Variants in SYNPR observed in about 807,000 individuals in gnomAD.
The protein encoded by SYNPR is synaptoporin.
Under a neutral mutation model 32.9 loss-of-function variants are expected in SYNPR, and 23 were observed. The ratio of observed to expected loss-of-function variants is 0.70; its 90% confidence interval spans 0.50 to 0.99. The LOEUF (loss-of-function observed/expected upper bound fraction) is 0.99, where lower values mean the gene tolerates loss of function less well. SYNPR is among the 50% of genes least tolerant of loss of function. SYNPR has a pLI of 0.00. For missense variants in SYNPR, 318 were observed against 349.3 expected, an observed-to-expected ratio of 0.91 and a Z score of 0.71; for synonymous variants, 146 against 135.9, an observed-to-expected ratio of 1.07 and a Z score of -0.52.
intron 2 of SYNPR, among the ~76,000 whole-genome samples, chr3:63,408,198 A>AAAGAAAG (rs1560220859): frequency 9.5e-4 from 36 of 37,786 alleles, no homozygotes; most frequent in East Asian, 2.3e-3. Flanking sequence ...AAGAAAGAGG[A>AAAGAAAG]AGGAAGGAAG....
At chr3:63,246,091 C>T (rs559799432) in intron 1 of SYNPR, among the ~76,000 whole-genome samples, 53 of 152,026 alleles carry the variant, frequency 3.5e-4, no homozygotes, top group African/African-American at 1.1e-3. Flanking sequence ...CAGAGCTATG[C>T]AAGAAAGAAG....
At chr3:63,225,421 T>C (rs140879888), upstream of SYNPR, among the ~76,000 whole-genome samples, 245 of 152,262 alleles carry the variant, frequency 1.6e-3, no homozygotes, top group African/African-American at 5.9e-3. Context: ...GGGAATCCAA[T>C]TACAGAATCT....
At position 63,523,564 on chromosome 3, in the gene SYNPR, A is replaced by G. The variant is rs545402447; in HGVS notation, c.210-32979A>G. Among the ~76,000 whole-genome samples, 13 of 152,230 alleles carry G rather than the reference A, an allele frequency of 8.5e-5. No individual in the cohort carries two copies. The South Asian group carries it at 2.7e-3, about 32-fold the overall frequency. On this transcript the variant is annotated intron_variant, in intron 3 of 5. Transcript: ENST00000478300. Reference sequence around the variant, plus strand: ...AGAACCCTGACAGATGCACGCTGACAATCCCACTAGGGCAGATCTCCCTGA... The same window carrying G: ...AGAACCCTGACAGATGCACGCTGACGATCCCACTAGGGCAGATCTCCCTGA...
intron 2 of SYNPR, among the ~76,000 whole-genome samples, chr3:63,298,315 A>T (rs2086811030): frequency 6.6e-6 from 1 of 152,140 alleles, no homozygotes; most frequent in African/African-American, 2.4e-5. Flanking sequence ...TCTCCTTCAA[A>T]TGAAATTTTC....
chr3:63,585,622 A>G (rs1461353837), intron 4 of SYNPR, among the ~76,000 whole-genome samples: 1 of 152,110 alleles, frequency 6.6e-6, no homozygotes, highest in Non-Finnish European at 1.5e-5. Flanking sequence ...CTTGCATACC[A>G]GAGACACAGA....
Position 63,254,744 on chromosome 3 carries a change from T to C in SYNPR, n.154+2158T>C, listed in dbSNP as rs141858449. ...CAAAATTTGTACGTTGGAGTCCTAA[T>C]CCCTAGTACCTTGGAATGTATTTGG... On this transcript the variant is annotated intron_variant and non_coding_transcript_variant, in intron 2 of 4. Transcript: ENST00000478456. Among the ~76,000 whole-genome samples the C allele has an allele frequency of 3.0e-3, 452 of 152,308 alleles. 5 individuals carry two copies. Among genetic ancestry groups the C allele is most frequent in the African/African-American group, 0.011 (437 of 41,570 alleles).
At chr3:63,323,915 G>A (rs866381345) in intron 2 of SYNPR, among the ~76,000 whole-genome samples, 2 of 152,214 alleles carry the variant, frequency 1.3e-5, no homozygotes, top group Middle Eastern at 6.8e-3. Context: ...GAGAAGGACA[G>A]TGAAGCCCAG....
intron 4 of SYNPR, among the ~76,000 whole-genome samples, chr3:63,580,721 T>C (rs1407100126): frequency 6.6e-6 from 1 of 152,174 alleles, no homozygotes; most frequent in African/African-American, 2.4e-5. Flanking sequence ...CTTCTGTCAC[T>C]CGTGATCTGC....
At chr3:63,560,645 G>A (rs191117953) in intron 4 of SYNPR, among the ~76,000 whole-genome samples, 21 of 152,134 alleles carry the variant, frequency 1.4e-4, no homozygotes, top group African/African-American at 2.7e-4. Flanking sequence ...TCACAGTTCC[G>A]TATGGCTGGG....
chr3:63,456,339 G>A (rs577242964), intron 2 of SYNPR, among the ~76,000 whole-genome samples: 2 of 152,022 alleles, frequency 1.3e-5, no homozygotes, highest in African/African-American at 2.4e-5. Flanking sequence ...TTCACACTCC[G>A]AGCAAGGAGC....
intron 3 of SYNPR, among the ~76,000 whole-genome samples, chr3:63,540,558 TAAGG>T (rs1702278961): frequency 6.6e-6 from 1 of 151,882 alleles, no homozygotes; most frequent in Admixed American, 6.6e-5. Context: ...CTCTGCATGT[TAAGG>T]AAGGAAAAAG....
chr3:63,503,781 C>T (rs1701530337), intron 3 of SYNPR, among the ~76,000 whole-genome samples: 1 of 151,506 alleles, frequency 6.6e-6, no homozygotes, highest in Admixed American at 6.6e-5. Flanking sequence ...AACAAAATAC[C>T]AAATACACAA....
chr3:63,564,938 CTG>C (rs1702756520), intron 4 of SYNPR, among the ~76,000 whole-genome samples: 1 of 152,224 alleles, frequency 6.6e-6, no homozygotes, highest in Non-Finnish European at 1.5e-5. Context: ...TTGCTGGAGT[CTG>C]TGCCTTTGGT....
intron 2 of SYNPR, among the ~76,000 whole-genome samples, chr3:63,298,144 T>G (rs2086809874): frequency 6.6e-6 from 1 of 152,196 alleles, no homozygotes; most frequent in Admixed American, 6.5e-5. Flanking sequence ...AGTTTGTTCT[T>G]TGTTTTAAAG....
chr3:63,562,186 G>A (rs1041785620), intron 4 of SYNPR, among the ~76,000 whole-genome samples: 1 of 152,118 alleles, frequency 6.6e-6, no homozygotes, highest in African/African-American at 2.4e-5. Context: ...TCCTGCCTAG[G>A]TTACTGTGAC....
At chr3:63,531,934 C>T (rs964654980) in intron 3 of SYNPR, among the ~76,000 whole-genome samples, 2 of 152,142 alleles carry the variant, frequency 1.3e-5, no homozygotes, top group African/African-American at 4.8e-5. Context: ...ATGAAGGTTA[C>T]GTCATTCCCA....
chr3:63,347,240 C>T (rs7623671), intron 2 of SYNPR, among the ~76,000 whole-genome samples: 31,065 of 152,084 alleles, frequency 0.2, 3,642 homozygotes, highest in South Asian at 0.38. Context: ...TTCAGACTTG[C>T]AGGTAATAGA....
chr3:63,422,565 A>G (rs533442558), intron 2 of SYNPR, among the ~76,000 whole-genome samples: 1 of 152,340 alleles, frequency 6.6e-6, no homozygotes, highest in East Asian at 1.9e-4. Context: ...AAATATATGC[A>G]GTTTGTTATA....
At chr3:63,344,330 A>T (rs1271849060) in intron 2 of SYNPR, among the ~76,000 whole-genome samples, 1 of 152,164 alleles carries the variant, frequency 6.6e-6, no homozygotes, top group East Asian at 1.9e-4. Context: ...AGGCAGCCCT[A>T]GAGCTCACAA....
Sources: allele counts gnomAD v4.1 joint callset (sites outside exome capture counted in the v4.1 genomes callset), GRCh38; gene constraint gnomAD v4.1.1; transcripts MANE v1.5; gene names NCBI Gene and HGNC (gene_info 2026-07-23, HGNC 2026-07-21).